Variants in ARHGAP35 observed in about 807,000 individuals in gnomAD.
The protein encoded by ARHGAP35 is Rho GTPase activating protein 35, also known as rho GTPase-activating protein 35.
Under a neutral mutation model 111.1 loss-of-function variants are expected in ARHGAP35, and 15 were observed. The ratio of observed to expected loss-of-function variants is 0.13; its 90% CI spans 0.09 to 0.21. The LOEUF (loss-of-function observed/expected upper bound fraction) is 0.21, where lower values mean the gene tolerates loss of function less well. Ranked by LOEUF, ARHGAP35 falls within the 10% of genes least tolerant of loss-of-function variation. ARHGAP35 has a pLI of 1.00. For missense variants in ARHGAP35, 1,262 were observed against 1,873.0 expected, an observed-to-expected ratio of 0.67 and a Z score of 6.02; for synonymous variants, 643 against 710.3, an observed-to-expected ratio of 0.91 and a Z score of 1.51.
rs190398992 is a variant in ARHGAP35 at position 46,926,705 on chromosome 19, T to C, written c.3681+4349T>C. Among the ~76,000 whole-genome samples the C allele has an allele frequency of 1.3e-5, 2 of 152,288 alleles. No individual in the cohort carries two copies. Among genetic ancestry groups the C allele is most frequent in the African/African-American group, 4.8e-5 (2 of 41,554 alleles). On this transcript the variant is annotated intron_variant, in intron 2 of 6. Transcript: ENST00000672722. This position sits in a 1 kb window ranked among gnomAD's most constrained non-coding sequence, Gnocchi z 4.1. ...AGCAACCACATGACAAGACAACCTATTGAAAAGCTAACCAATTCAATCATG... is the reference window on the plus strand; with the variant it reads ...AGCAACCACATGACAAGACAACCTACTGAAAAGCTAACCAATTCAATCATG...
intron 3 of ARHGAP35, among the ~76,000 whole-genome samples, chr19:46,959,827 G>A (rs987969966): frequency 6.7e-6 from 1 of 149,918 alleles, no homozygotes; most frequent in African/African-American, 2.5e-5. Context: ...CGAGTGTGGT[G>A]GCTCCAGCCT....
In ARHGAP35 at chr19:46,936,548, A is replaced by AT. The variant is rs199843086; in HGVS notation, c.3682-708dup. On this transcript the variant is annotated intron_variant, in intron 2 of 6. Transcript: ENST00000672722. ...GAGGAAATAATCTGTTTTCCATTTC[A>AT]TTTTTTTTAAAGATTTTAGCTATCT... 1.8e-3 allele frequency among the ~76,000 whole-genome samples: 272 copies of AT among 151,950 alleles called. 1 individual carries two copies. Among genetic ancestry groups the AT allele is most frequent in the Middle Eastern group, 0.017 (5 of 294 alleles).
Position 46,956,088 on chromosome 19 carries a change from C to T in ARHGAP35, c.3826+18680C>T, listed in dbSNP as rs1479512563. On this transcript the variant is annotated intron_variant, in intron 3 of 6. Transcript: ENST00000672722. Reference sequence around the variant, plus strand: ...ATCTCAACACTTAGAGAGACCAGTGCGGGCAGATCACTTGAGCCCAGGAGT... The same window carrying T: ...ATCTCAACACTTAGAGAGACCAGTGTGGGCAGATCACTTGAGCCCAGGAGT... Among the ~76,000 whole-genome samples, 11 of 152,286 alleles carry T rather than the reference C, an allele frequency of 7.2e-5. No individual in the cohort carries two copies. In the East Asian group the frequency reaches 1.4e-3, roughly 19 times the overall value.
At chr19:46,906,697 T>C (rs2056110220) in intron 1 of ARHGAP35, among the ~76,000 whole-genome samples, 1 of 152,254 alleles carries the variant, frequency 6.6e-6, no homozygotes, top group East Asian at 1.9e-4. Context: ...ACAGATGCAG[T>C]AGATAAAATA....
Position 46,865,011 on chromosome 19 carries a change from C to A in ARHGAP35, c.-189+3802C>A, listed in dbSNP as rs112532364. ...AAGTTTACATAATAGGGAGAGAGGA[C>A]ACACAGAATAGAGAGCTGATTTTTC... On this transcript the variant is annotated intron_variant, in intron 1 of 6. Transcript: ENST00000672722. 6.2e-3 allele frequency among the ~76,000 whole-genome samples: 947 copies of A among 152,304 alleles called. 5 individuals are homozygous for A. Among genetic ancestry groups the A allele is most frequent in the Middle Eastern group, 0.02 (6 of 294 alleles).
intron 3 of ARHGAP35, among the ~76,000 whole-genome samples, chr19:46,974,748 G>A (rs1376283243): frequency 6.6e-6 from 1 of 152,048 alleles, no homozygotes; most frequent in African/African-American, 2.4e-5. Flanking sequence ...GAGGTCGTGG[G>A]TGGGGCTGAC....
chr19:46,917,860 C>A (rs529197960), intron 1 of ARHGAP35, among the ~76,000 whole-genome samples: 1 of 151,966 alleles, frequency 6.6e-6, no homozygotes, highest in African/African-American at 2.4e-5. Context: ...ATTACAGGCA[C>A]ATGTCACCAC....
intron 3 of ARHGAP35, among the ~76,000 whole-genome samples, chr19:46,963,961 A>G (rs1361210039): frequency 6.6e-6 from 1 of 151,508 alleles, no homozygotes; most frequent in Non-Finnish European, 1.5e-5. Context: ...TCCGCCTCCC[A>G]GGTTCAAGCA....
At chr19:46,871,958 T>A in intron 1 of ARHGAP35, among the ~76,000 whole-genome samples, 1 of 151,732 alleles carries the variant, frequency 6.6e-6, no homozygotes. Flanking sequence ...CCAGCATGGG[T>A]GACAGAGTGA....
chr19:46,935,148 G>A (rs1354646906), intron 2 of ARHGAP35, among the ~76,000 whole-genome samples: 2 of 152,236 alleles, frequency 1.3e-5, no homozygotes, highest in Admixed American at 6.5e-5. Context: ...AGGGGAGCAA[G>A]CAGCAGCCAT....
chr19:46,891,661 G>A (rs1346577436), intron 1 of ARHGAP35, among the ~76,000 whole-genome samples: 1 of 151,970 alleles, frequency 6.6e-6, no homozygotes, highest in Non-Finnish European at 1.5e-5. Flanking sequence ...TCTTGACATC[G>A]TGATCTGCCC....
chr19:46,920,253 G>C lies in ARHGAP35; in HGVS notation c.1578G>C (p.Glu526Asp), dbSNP rs1205339290. The C allele has an allele frequency of 6.2e-7, 1 of 1,613,988 alleles. No individual in the cohort carries two copies. Among genetic ancestry groups the C allele is most frequent in the Admixed American group, 1.7e-5 (1 of 60,024 alleles). Residue 526 changes from glutamate (E) to aspartate (D), a missense_variant, in exon 2 of 7, where the codon GAG becomes GAC. Physicochemically the swap from Glu to Asp is conservative, Grantham distance 45. Coordinates refer to ENST00000672722, the MANE Select transcript of ARHGAP35 (RefSeq NM_004491.5). The surrounding 1 kb of genome is among the most constrained non-coding windows in gnomAD (Gnocchi z 7.0). ...GTGTTATTCAGGATGTTCTGGGAGAGGAACAGCGATTTAAAGCATTACAAA... is the reference window on the plus strand; with the variant it reads ...GTGTTATTCAGGATGTTCTGGGAGACGAACAGCGATTTAAAGCATTACAAA... ...KMGVIQDVLG[E>D]EQRFKALQKL...
At chr19:46,896,589 G>A (rs2056057785) in intron 1 of ARHGAP35, among the ~76,000 whole-genome samples, 1 of 152,218 alleles carries the variant, frequency 6.6e-6, no homozygotes, top group African/African-American at 2.4e-5. Context: ...ACGCTGTGCA[G>A]CAGCTGTTTT....
intron 1 of ARHGAP35, among the ~76,000 whole-genome samples, chr19:46,880,171 G>A (rs913715011): frequency 3.9e-5 from 6 of 151,968 alleles, no homozygotes; most frequent in South Asian, 2.1e-4. Context: ...TGTGGCTCAC[G>A]CCTGTAATCC....
At chr19:46,944,890 C>T (rs774313112) in intron 3 of ARHGAP35, among the ~76,000 whole-genome samples, 14 of 152,202 alleles carry the variant, frequency 9.2e-5, no homozygotes, top group Non-Finnish European at 1.6e-4. Flanking sequence ...TGATTTGCAC[C>T]TGTCTTCTTT....
At chr19:46,971,994 T>C (rs1216690777) in intron 3 of ARHGAP35, among the ~76,000 whole-genome samples, 2 of 152,134 alleles carry the variant, frequency 1.3e-5, no homozygotes, top group Non-Finnish European at 2.9e-5. Flanking sequence ...TAAATGGAAA[T>C]GGCTAATAAG....
Position 46,921,005 on chromosome 19 carries a change from T to G in ARHGAP35, c.2330T>G (p.Leu777Trp). 1 of 1,614,038 alleles carries G rather than the reference T, an allele frequency of 6.2e-7. No homozygotes were observed. The highest frequency in any genetic ancestry group is 8.5e-7 in the Non-Finnish European group (1 of 1,179,892). ...AGTTCTACTGCTAGCATCAAAGATT[T>G]GGCTGATGTTGATCTGCGAATTGTT... is the stretch of plus-strand genomic sequence containing the variant. The part of the protein sequence containing the change: ...LVSSTASIKD[L>W]ADVDLRIVMC... The change falls in exon 2 of 7, where the codon TTG becomes TGG. Residue 777 changes from leucine to tryptophan, a missense_variant. Coordinates refer to ENST00000672722, the MANE Select transcript of ARHGAP35 (RefSeq NM_004491.5). The surrounding 1 kb of genome is among the most constrained non-coding windows in gnomAD (Gnocchi z 4.3).
At chr19:46,898,341 A>G (rs570308056) in intron 1 of ARHGAP35, among the ~76,000 whole-genome samples, 93 of 152,292 alleles carry the variant, frequency 6.1e-4, no homozygotes, top group Non-Finnish European at 1.1e-3. Flanking sequence ...GATTTAGTCA[A>G]AAAAATATAC....
Position 46,861,092 on chromosome 19 carries a change from G to T in ARHGAP35, c.-306G>T, listed in dbSNP as rs1010145734. Among the ~76,000 whole-genome samples, 8 of 151,022 alleles carry T rather than the reference G, an allele frequency of 5.3e-5. No individual in the cohort carries two copies. The highest frequency in any genetic ancestry group is 7.4e-5 in the Non-Finnish European group (5 of 67,472). On this transcript the variant is annotated 5_prime_UTR_variant, in exon 1 of 7. Transcript: ENST00000672722. ...GGGTCCGCCCGGCCCCCCGCCGCCGGAGCCGCCGCCGCCGCCTCAGCCGCC... is the reference window on the plus strand; with the variant it reads ...GGGTCCGCCCGGCCCCCCGCCGCCGTAGCCGCCGCCGCCGCCTCAGCCGCC...
Sources: allele counts gnomAD v4.1 joint callset (sites outside exome capture counted in the v4.1 genomes callset), GRCh38; gene constraint gnomAD v4.1.1; non-coding constraint Gnocchi (gnomAD v3.1); transcripts MANE v1.5; gene names NCBI Gene and HGNC (gene_info 2026-07-23, HGNC 2026-07-21).